Variants in B3GALT5 observed in about 807,000 individuals in gnomAD.
The protein encoded by B3GALT5 is beta-1,3-galactosyltransferase 5, also known as UDP-Gal:betaGlcNAc beta 1,3-galactosyltransferase, polypeptide 5.
For synonymous variants in B3GALT5, 156 were observed against 158.6 expected (o/e 0.98, Z 0.12); for missense variants, 328 against 396.6 (o/e 0.83, Z 1.47).
chr21:39,621,009 A>C (rs1333597982), intron 1 of B3GALT5, among the ~76,000 whole-genome samples: 1 of 152,216 alleles, frequency 6.6e-6, no homozygotes, highest in African/African-American at 2.4e-5. Flanking sequence ...TCATGCCTGT[A>C]GTCCCAACAT....
intron 1 of B3GALT5, among the ~76,000 whole-genome samples, chr21:39,620,626 C>T (rs2079129548): frequency 6.6e-6 from 1 of 152,120 alleles, no homozygotes; most frequent in Non-Finnish European, 1.5e-5. Flanking sequence ...CATTGAATTG[C>T]AGGTGCATGA....
chr21:39,651,537 AT>A (rs2079395424), intron 2 of B3GALT5, among the ~76,000 whole-genome samples: 1 of 152,194 alleles, frequency 6.6e-6, no homozygotes, highest in Non-Finnish European at 1.5e-5. Flanking sequence ...TGGGTTAGGG[AT>A]CCCCCAATGA....
chr21:39,661,429 G>T lies in B3GALT5; in HGVS notation c.870G>T (p.Arg290=). 1 of 1,533,704 alleles carries T rather than the reference G, an allele frequency of 6.5e-7. No individual in the cohort carries two copies. Among genetic ancestry groups the T allele is most frequent in the Non-Finnish European group, 8.8e-7 (1 of 1,142,476 alleles). Residue 290 remains arginine, a synonymous_variant, in exon 4 of 4, where the codon CGG becomes CGT. Transcript: ENST00000684187. The surrounding 1 kb of genome is among the most constrained non-coding windows in gnomAD (Gnocchi z 4.7). ...TGGCCTGCCACTTCATCAAGCCTCG[G>T]ACTCTCTTGGACTACTGGCAGGCTC... is the stretch of plus-strand genomic sequence containing the variant. ...RIVACHFIKP[R]TLLDYWQALE... is the part of the protein sequence containing the mutation.
chr21:39,633,543 A>G (rs1296708467), intron 1 of B3GALT5, among the ~76,000 whole-genome samples: 1 of 152,212 alleles, frequency 6.6e-6, no homozygotes, highest in African/African-American at 2.4e-5. Flanking sequence ...TGCTTTCTTA[A>G]GAGCACTGAC....
intron 2 of B3GALT5, among the ~76,000 whole-genome samples, chr21:39,648,029 T>G (rs2146206298): frequency 6.6e-6 from 1 of 152,300 alleles, no homozygotes; most frequent in Admixed American, 6.5e-5. Context: ...TTAGTTTAGT[T>G]TTGGGTCAGA....
chr21:39,642,298 A>C (rs1280826565), intron 1 of B3GALT5, among the ~76,000 whole-genome samples: 3 of 152,234 alleles, frequency 2.0e-5, no homozygotes, highest in Non-Finnish European at 4.4e-5. Context: ...TTACAGTGTA[A>C]TGACTGCTAT....
chr21:39,635,253 C>T (rs1279743951), intron 1 of B3GALT5, among the ~76,000 whole-genome samples: 2 of 151,982 alleles, frequency 1.3e-5, no homozygotes, highest in Non-Finnish European at 2.9e-5. Flanking sequence ...TGGTGAAATC[C>T]GTGGATTTTT....
At chr21:39,627,290 T>G (rs182560746) in intron 1 of B3GALT5, among the ~76,000 whole-genome samples, 1 of 152,322 alleles carries the variant, frequency 6.6e-6, no homozygotes, top group African/African-American at 2.4e-5. Flanking sequence ...GCAGGAAGTT[T>G]AGGGTGCAGA....
chr21:39,661,647 C>A lies in B3GALT5; in HGVS notation c.*155C>A. On this transcript the variant is annotated 3_prime_UTR_variant, in exon 4 of 4. Transcript: ENST00000684187. This position sits in a 1 kb window ranked among gnomAD's most constrained non-coding sequence, Gnocchi z 4.7. ...GTTCATGAAGTCACTGATTAGTTCC[C>A]ACTTGGTGCCCCAGGCAATAATAGG... 1.5e-6 allele frequency: 1 copy of A among 687,910 alleles called. No individual in the cohort carries two copies. The highest frequency in any genetic ancestry group is 2.2e-6 in the Non-Finnish European group (1 of 447,486). The allele number at this position is 687,910 out of a possible 1,614,324, so 42.6% of individuals were successfully genotyped here.
chr21:39,658,993 G>C (rs943378931), intron 2 of B3GALT5, among the ~76,000 whole-genome samples: 3 of 152,254 alleles, frequency 2.0e-5, no homozygotes, highest in South Asian at 2.1e-4. Flanking sequence ...TGTAATTCCA[G>C]TGTTTTGGGA....
intron 1 of B3GALT5, among the ~76,000 whole-genome samples, chr21:39,634,738 T>G (rs1048533765): frequency 6.6e-6 from 1 of 152,132 alleles, no homozygotes; most frequent in Non-Finnish European, 1.5e-5. Flanking sequence ...GCCTGGAGTC[T>G]GGATGTGGGA....
Position 39,669,297 on chromosome 21 carries a change from C to A in B3GALT5, c.*7805C>A, listed in dbSNP as rs954405150. On this transcript the variant is annotated 3_prime_UTR_variant, in exon 4 of 4. Coordinates refer to ENST00000684187, the MANE Select transcript of B3GALT5 (RefSeq NM_001356336.2). ...TTTTTTTTTAAGATAAAACCTTTTA[C>A]AGTTAGGAAAGCCAAAGCTCAGAAA... The A allele has an allele frequency of 6.6e-6, 1 of 151,802 alleles. No individual in the cohort carries two copies. Among genetic ancestry groups the A allele is most frequent in the African/African-American group, 2.4e-5 (1 of 41,178 alleles). The allele number at this position is 151,802 out of a possible 1,614,324, so 9.4% of individuals were successfully genotyped here. A position where few individuals can be genotyped will look rare whatever the true frequency, so the allele number is the denominator to read the frequency against.
At chr21:39,623,217 C>CCTT (rs2079144395) in intron 1 of B3GALT5, among the ~76,000 whole-genome samples, 1 of 56,566 alleles carries the variant, frequency 1.8e-5, no homozygotes, top group Non-Finnish European at 3.4e-5. Context: ...CTCCCTCCCT[C>CCTT]CCTCCCTCCC....
At chr21:39,641,408 C>G (rs1363594385) in intron 1 of B3GALT5, among the ~76,000 whole-genome samples, 1 of 149,534 alleles carries the variant, frequency 6.7e-6, no homozygotes, top group Non-Finnish European at 1.5e-5. Context: ...AATTGATGCC[C>G]TAAATTCTTA....
intron 1 of B3GALT5, among the ~76,000 whole-genome samples, chr21:39,625,098 T>A (rs2079157055): frequency 1.3e-5 from 2 of 152,238 alleles, no homozygotes; most frequent in Admixed American, 1.3e-4. Flanking sequence ...GTTTCCTGTT[T>A]TGGTGACTTT....
intron 1 of B3GALT5, among the ~76,000 whole-genome samples, chr21:39,629,736 C>A (rs1337445805): frequency 6.6e-6 from 1 of 152,076 alleles, no homozygotes; most frequent in Non-Finnish European, 1.5e-5. Flanking sequence ...TTTCCTTTGA[C>A]CTCATAGTTA....
chr21:39,639,440 CTTTCTTT>C, intron 1 of B3GALT5, among the ~76,000 whole-genome samples: 1 of 114,446 alleles, frequency 8.7e-6, no homozygotes, highest in Admixed American at 8.8e-5. Flanking sequence ...TTCTTTCTTT[CTTTCTTT>C]CTTTCTTTTT....
rs139562282 is a variant in B3GALT5, at chr21:39,640,974, G to A, written c.-391-5418G>A. On this transcript the variant is annotated intron_variant, in intron 1 of 3. Coordinates refer to ENST00000684187, the MANE Select transcript of B3GALT5 (RefSeq NM_001356336.2). ...AGGCTGGTGTCGTCTCGAACTCCTG[G>A]GCTCAAGCGATCTACCTGCTTCAGG... Among the ~76,000 whole-genome samples the A allele has an allele frequency of 4.1e-3, 619 of 152,154 alleles. 5 individuals are homozygous for A. The highest frequency in any genetic ancestry group is 0.023 in the East Asian group (118 of 5,180).
intron 1 of B3GALT5, among the ~76,000 whole-genome samples, chr21:39,616,364 G>A (rs1275845072): frequency 6.6e-6 from 1 of 151,938 alleles, no homozygotes; most frequent in African/African-American, 2.4e-5. Flanking sequence ...ATCTCGTTCC[G>A]TCTCCTTGTC....
Sources: allele counts gnomAD v4.1 joint callset (sites outside exome capture counted in the v4.1 genomes callset), GRCh38; gene constraint gnomAD v4.1.1; non-coding constraint Gnocchi (gnomAD v3.1); transcripts MANE v1.5; gene names NCBI Gene and HGNC (gene_info 2026-07-23, HGNC 2026-07-21).